REPS2: variants seen among roughly 807,000 people sequenced by gnomAD.
REPS2 encodes ralBP1-associated Eps domain-containing protein 2.
In REPS2, 23 loss-of-function variants were observed where a neutral mutation model predicts 53.6. The observed-to-expected ratio is 0.43, with a 90% confidence interval of 0.31 to 0.61. The LOEUF (loss-of-function observed/expected upper bound fraction) is 0.61. Among genes scored for constraint, REPS2 ranks in the 20% least tolerant of loss-of-function variants. The pLI, the probability that REPS2 is intolerant of heterozygous loss-of-function variation, is 0.11. For synonymous variants in REPS2, 238 were observed against 218.6 expected (o/e 1.09, Z -0.78); for missense variants, 446 against 534.9 (o/e 0.83, Z 1.64).
intron 1 of REPS2, among the ~76,000 whole-genome samples, chrX:16,970,799 C>G (rs969214968): frequency 1.8e-5 from 2 of 112,343 alleles, no homozygotes; most frequent in Non-Finnish European, 3.8e-5. Context: ...TGTCTTCTTT[C>G]TCTTAGCGTG....
chrX:17,173,272 G>A, the REPS2 span, among the ~76,000 whole-genome samples: 1 of 111,311 alleles, frequency 9.0e-6, no homozygotes, highest in South Asian at 3.8e-4. Flanking sequence ...GTTTGACTGG[G>A]GAAGAATTCT....
chrX:17,052,567 G>C, intron 7 of REPS2, 122 bp downstream of exon 7: 1 of 428,441 alleles, frequency 2.3e-6, no homozygotes, highest in Non-Finnish European at 3.9e-6. Context: ...CTACAGGAGT[G>C]AATACAACTC....
At chrX:17,002,300 C>T (rs1602642813) in intron 1 of REPS2, among the ~76,000 whole-genome samples, 1 of 111,259 alleles carries the variant, frequency 9.0e-6, no homozygotes, top group African/African-American at 3.3e-5. Flanking sequence ...TAGCATAGCA[C>T]TCAGCACATT....
rs181061027 is a variant in REPS2 at position 17,024,944 on chromosome X, C to G, written c.547-115C>G. On this transcript the variant is annotated intron_variant, in intron 3 of 17. Transcript: ENST00000357277. ...TGCATTTTTGAGAAAACATTTCCCC[C>G]CATTTGTTAAACCAGCTGGGTCACC... The G allele has an allele frequency of 4.8e-5, 49 of 1,019,844 alleles. No homozygotes were observed. The African/African-American group carries it at 8.0e-4, about 17-fold the overall frequency. The allele number at this position is 1,019,844 out of a possible 1,213,427, so 84.0% of individuals were successfully genotyped here.
intron 12 of REPS2, among the ~76,000 whole-genome samples, chrX:17,075,750 G>A (rs1242210055): frequency 1.8e-5 from 2 of 112,381 alleles, no homozygotes; most frequent in Non-Finnish European, 3.8e-5. Context: ...GTGCGCTGTG[G>A]GATTGTGTGC....
rs3083679 is a variant in REPS2, at chrX:16,949,069, TTGGTGGTGGTGG to T, written c.273+1959_273+1970del. 1.2e-4 allele frequency among the ~76,000 whole-genome samples: 13 copies of T among 104,081 alleles called. No individual in the cohort carries two copies. The East Asian group carries it at 2.5e-3, about 20-fold the overall frequency. 90.4% of individuals were successfully genotyped at this position (104,081 alleles called of 115,157 possible). On this transcript the variant is annotated intron_variant, in intron 1 of 17. Transcript: ENST00000357277. ...AGACACCTAATTTTCACCCATCACT[TTGGTGGTGGTGG>T]TGGTGGTGGTGGTGGTGGTGGTGTG...
intron 1 of REPS2, among the ~76,000 whole-genome samples, chrX:17,000,838 C>T (rs1365398614): frequency 9.0e-6 from 1 of 111,512 alleles, no homozygotes; most frequent in Non-Finnish European, 1.9e-5. Context: ...AAATCGATTG[C>T]AAATGTTCAT....
chrX:17,191,954 G>C, the REPS2 span, among the ~76,000 whole-genome samples: 1 of 112,373 alleles, frequency 8.9e-6, no homozygotes, highest in South Asian at 3.7e-4. Flanking sequence ...GATTATGGTG[G>C]TGCTTACAGA....
the REPS2 span, among the ~76,000 whole-genome samples, chrX:17,177,171 C>T: frequency 8.9e-6 from 1 of 112,156 alleles, no homozygotes; most frequent in Non-Finnish European, 1.9e-5. Context: ...ATCAAGGACG[C>T]TTATACCTTT....
intron 11 of REPS2, among the ~76,000 whole-genome samples, chrX:17,070,549 C>T (rs771256135): frequency 3.6e-5 from 4 of 111,807 alleles, no homozygotes; most frequent in African/African-American, 1.3e-4. Flanking sequence ...CCCCTGTGTC[C>T]GCAGCTCTCT....
chrX:17,073,449 G>A (rs1453388241), intron 11 of REPS2, among the ~76,000 whole-genome samples: 1 of 112,216 alleles, frequency 8.9e-6, no homozygotes, highest in East Asian at 2.8e-4. Flanking sequence ...GAAGAAGGCT[G>A]TATGGGCGTT....
At chrX:16,978,433 C>G (rs1360751362) in intron 1 of REPS2, 5 of 182,232 alleles carry the variant, frequency 2.7e-5, no homozygotes, top group African/African-American at 1.6e-4. Context: ...CTTTTCAAAT[C>G]CCAGGTTATT....
chrX:17,077,389 T>C lies in REPS2; in HGVS notation c.1498T>C (p.Phe500Leu). ...RASSLDLNKV[F>L]QPSVPATKSG... Reference sequence around the variant, plus strand: ...CTCCTCCTTGGATCTGAATAAAGTCTTCCAGCCCAGTGTGCCAGGTGAAGT... The same window carrying C: ...CTCCTCCTTGGATCTGAATAAAGTCCTCCAGCCCAGTGTGCCAGGTGAAGT... Residue 500 changes from phenylalanine to leucine, a missense_variant, in exon 13 of 18, where the codon TTC (phenylalanine) becomes CTC (leucine). Phe to Leu is a conservative substitution (Grantham distance 22). Transcript: ENST00000357277. 1 of 1,203,734 alleles carries C rather than the reference T, an allele frequency of 8.3e-7. No individual in the cohort carries two copies.
chrX:17,037,445 A>G (rs1167522605), intron 5 of REPS2, among the ~76,000 whole-genome samples: 1 of 112,276 alleles, frequency 8.9e-6, no homozygotes, highest in Admixed American at 9.4e-5. Flanking sequence ...AGTAGCTGGG[A>G]CTACAGGCGT....
rs188256421 is a variant in REPS2 at position 17,102,048 on chromosome X, G to T, written c.1517-1670G>T. On this transcript the variant is annotated intron_variant, in intron 13 of 17. Coordinates refer to ENST00000357277, the MANE Select transcript of REPS2 (RefSeq NM_004726.3). ...TTTATTTTATGTTATGTTATGTTATGTTATGTTATGTTATGTTATGTTATG... is the reference window on the plus strand; with the variant it reads ...TTTATTTTATGTTATGTTATGTTATTTTATGTTATGTTATGTTATGTTATG... Among the ~76,000 whole-genome samples the T allele has an allele frequency of 4.3e-4, 32 of 74,855 alleles. No individual in the cohort carries two copies. In the South Asian group the frequency reaches 0.017, roughly 40 times the overall value. The allele number at this position is 74,855 out of a possible 115,157, so 65.0% of individuals were successfully genotyped here.
At chrX:17,037,498 T>C (rs2147885397) in intron 5 of REPS2, among the ~76,000 whole-genome samples, 1 of 112,317 alleles carries the variant, frequency 8.9e-6, no homozygotes, top group Admixed American at 9.4e-5. Context: ...TTTCTTTTAG[T>C]AGAGACGGGG....
intron 13 of REPS2, among the ~76,000 whole-genome samples, chrX:17,081,542 A>C (rs2062455720): frequency 8.9e-6 from 1 of 112,783 alleles, no homozygotes; most frequent in Non-Finnish European, 1.9e-5. Context: ...GTAAATCTAT[A>C]AAAATGAATA....
At chrX:17,166,865 CACAG>C in the REPS2 span, among the ~76,000 whole-genome samples, 1 of 112,086 alleles carries the variant, frequency 8.9e-6, no homozygotes, top group African/African-American at 3.2e-5. Context: ...TACATATGTA[CACAG>C]ACAATTTTAG....
chrX:17,121,036 C>T (rs571172817), intron 14 of REPS2, among the ~76,000 whole-genome samples: 17 of 111,633 alleles, frequency 1.5e-4, no homozygotes, highest in Middle Eastern at 4.6e-3. Context: ...GACCTTTGAC[C>T]GAGATGATCT....
Sources: allele counts gnomAD v4.1 joint callset (sites outside exome capture counted in the v4.1 genomes callset), GRCh38; gene constraint gnomAD v4.1.1; transcripts MANE v1.5; gene names NCBI Gene and HGNC (gene_info 2026-07-23, HGNC 2026-07-21).